The following SNAP91 variants were observed in gnomAD, a reference collection of about 807,000 sequenced individuals.
The protein encoded by SNAP91 is synaptosome associated protein 91, also known as clathrin coat assembly protein AP180.
Under a neutral mutation model 100.3 loss-of-function variants are expected in SNAP91, and 27 were observed. The ratio of observed to expected loss-of-function variants is 0.27; its 90% CI spans 0.20 to 0.37. SNAP91 has a LOEUF of 0.37. Ranked by LOEUF, SNAP91 falls within the 10% of genes least tolerant of loss-of-function variation. The pLI is 1.00. For missense variants in SNAP91, 986 were observed against 1,123.7 expected, an observed-to-expected ratio of 0.88 and a Z score of 1.75; for synonymous variants, 404 against 398.6, an observed-to-expected ratio of 1.01 and a Z score of -0.16.
At chr6:83,628,223 A>ATATATATATATATATATATATT (rs2097043582) in intron 8 of SNAP91, among the ~76,000 whole-genome samples, 1 of 14,840 alleles carries the variant, frequency 6.7e-5, no homozygotes, top group Non-Finnish European at 1.5e-4. Flanking sequence ...TCCATTTTAC[A>ATATATATATATATATATATATT]TATATATATA....
chr6:83,682,587 T>TTTA (rs1195631251), intron 2 of SNAP91, among the ~76,000 whole-genome samples: 2 of 151,818 alleles, frequency 1.3e-5, no homozygotes, highest in Non-Finnish European at 2.9e-5. Context: ...ATTTTTTTAT[T>TTTA]TTATTATTAT....
intron 2 of SNAP91, among the ~76,000 whole-genome samples, chr6:83,695,276 C>CAA (rs56103542): frequency 0.017 from 1,143 of 67,086 alleles, 15 homozygotes; most frequent in African/African-American, 0.041. Flanking sequence ...GGCTCCATCT[C>CAA]AAAAAAAAAA....
chr6:83,588,191 C>G (rs923528208), intron 22 of SNAP91, among the ~76,000 whole-genome samples: 18 of 152,066 alleles, frequency 1.2e-4, no homozygotes, highest in African/African-American at 4.3e-4. Flanking sequence ...CAGGCACTGA[C>G]ATATGTATAC....
intron 2 of SNAP91, among the ~76,000 whole-genome samples, chr6:83,706,450 G>T (rs2099384950): frequency 6.6e-6 from 1 of 152,188 alleles, no homozygotes; most frequent in Non-Finnish European, 1.5e-5. Flanking sequence ...ATATAATGCT[G>T]TAATCAATAA....
intron 26 of SNAP91, among the ~76,000 whole-genome samples, chr6:83,567,660 A>G (rs1156264857): frequency 6.6e-6 from 1 of 152,216 alleles, no homozygotes; most frequent in African/African-American, 2.4e-5. Context: ...ACAAGAAAAA[A>G]ACAAACAACC....
At chr6:83,637,678 G>A (rs558030903) in intron 8 of SNAP91, among the ~76,000 whole-genome samples, 4 of 152,314 alleles carry the variant, frequency 2.6e-5, no homozygotes, top group African/African-American at 9.6e-5. Flanking sequence ...CTTTCAGGCG[G>A]CACCCTTCTC....
At chr6:83,643,927 G>T (rs901636101) in intron 7 of SNAP91, among the ~76,000 whole-genome samples, 1 of 152,142 alleles carries the variant, frequency 6.6e-6, no homozygotes, top group Non-Finnish European at 1.5e-5. Flanking sequence ...ACTCTGTCCT[G>T]TTTTCTAATG....
At chr6:83,659,117 T>C in intron 5 of SNAP91, 25 bp from the exon 6 acceptor site, 2 of 1,345,522 alleles carry the variant, frequency 1.5e-6, no homozygotes, top group Non-Finnish European at 2.1e-6. Context: ...AAAAAAAAGG[T>C]ACAATTTCAT....
chr6:83,700,353 T>C (rs948723649), intron 2 of SNAP91, among the ~76,000 whole-genome samples: 1 of 152,084 alleles, frequency 6.6e-6, no homozygotes, highest in South Asian at 2.1e-4. Flanking sequence ...GCCAAATCAC[T>C]GGCAATACAT....
rs201872118 is a variant in SNAP91, at chr6:83,661,647, C to A, written c.350-43G>T. The A allele has an allele frequency of 1.2e-4, 134 of 1,146,610 alleles. 1 individual carries two copies. In the East Asian group the frequency reaches 2.8e-3, roughly 24 times the overall value. The allele number at this position is 1,146,610 out of a possible 1,614,324, so 71.0% of individuals were successfully genotyped here. ...AGAAATAAAACTAATTAATAAAATA[C>A]CTTCAACTGTGCTTTGCATAGTACT... On this transcript the variant is annotated intron_variant, in intron 4 of 29. Coordinates refer to ENST00000369694, the MANE Select transcript of SNAP91 (RefSeq NM_001242792.2).
At chr6:83,665,727 C>A in intron 2 of SNAP91, 146 bp from the exon 3 acceptor site, 1 of 635,362 alleles carries the variant, frequency 1.6e-6, no homozygotes, top group Non-Finnish European at 2.6e-6. Flanking sequence ...AAAAATTAAA[C>A]TGTAATATTT....
At chr6:83,584,558 G>A (rs995959725) in intron 22 of SNAP91, among the ~76,000 whole-genome samples, 1 of 152,024 alleles carries the variant, frequency 6.6e-6, no homozygotes, top group African/African-American at 2.4e-5. Flanking sequence ...AGCCAACATT[G>A]GCCCAGGGCT....
chr6:83,622,427 A>G (rs1047656710), intron 9 of SNAP91, among the ~76,000 whole-genome samples: 2 of 136,868 alleles, frequency 1.5e-5, no homozygotes, highest in Non-Finnish European at 3.1e-5. Context: ...TATTATTAAC[A>G]AGTAGGTATC....
chr6:83,648,264 T>C (rs931039865), intron 7 of SNAP91, among the ~76,000 whole-genome samples: 4 of 152,216 alleles, frequency 2.6e-5, no homozygotes, highest in Non-Finnish European at 5.9e-5. Context: ...GAAATTCATT[T>C]ATGTTATTAC....
At chr6:83,661,753 G>C (rs942101657) in intron 4 of SNAP91, 149 bp from the exon 5 acceptor site, 1 of 430,344 alleles carries the variant, frequency 2.3e-6, no homozygotes, top group African/African-American at 2.0e-5. Context: ...TTAAAATCCT[G>C]CTTCTAGGCA....
At chr6:83,588,832 A>G (rs530820165) in intron 22 of SNAP91, among the ~76,000 whole-genome samples, 29 of 152,274 alleles carry the variant, frequency 1.9e-4, no homozygotes, top group Non-Finnish European at 3.4e-4. Context: ...AGAGGCCACA[A>G]TGGAGGAGGA....
rs375521400 is a variant in SNAP91, at chr6:83,607,685, A to G, written c.1022+14T>C. 3.4e-6 allele frequency: 5 copies of G among 1,492,162 alleles called. No individual in the cohort carries two copies. The highest frequency in any genetic ancestry group is 4.6e-6 in the Non-Finnish European group (5 of 1,093,302). 92.4% of individuals were successfully genotyped at this position (1,492,162 alleles called of 1,614,324 possible). Reference sequence around the variant, plus strand: ...AATATTAATAAACAGTTAACTGCATATTTATTTACCAACCTGACTGGGACA... The same window carrying G: ...AATATTAATAAACAGTTAACTGCATGTTTATTTACCAACCTGACTGGGACA... On this transcript the variant is annotated intron_variant, in intron 13 of 29. Coordinates refer to ENST00000369694, the MANE Select transcript of SNAP91 (RefSeq NM_001242792.2).
chr6:83,593,648 G>A lies in SNAP91; in HGVS notation c.1526C>T (p.Thr509Ile). The part of the protein sequence containing the change: ...KPPETSVPVV[T>I]PTASTAPPVP... ...TGGAGGGGCTGTGCTAGCTGTAGGG[G>A]TAACTACAGGAACACTGGTCTCAGG... Residue 509 changes from threonine to isoleucine, a missense_variant, in exon 18 of 30, where the codon ACC becomes ATC. Around this residue, in one of 4 missense-constraint regions of SNAP91, gnomAD observed 575 missense variants for 579.9 expected, o/e 0.99. Coordinates refer to ENST00000369694, the MANE Select transcript of SNAP91 (RefSeq NM_001242792.2). 2.5e-6 allele frequency: 4 copies of A among 1,613,590 alleles called. No homozygotes were observed. The highest frequency in any genetic ancestry group is 3.4e-6 in the Non-Finnish European group (4 of 1,179,734).
chr6:83,592,579 A>G, intron 20 of SNAP91, 41 bp from the exon 21 acceptor site: 10 of 1,512,380 alleles, frequency 6.6e-6, no homozygotes, highest in Non-Finnish European at 9.1e-6. Flanking sequence ...ATGTCACCCA[A>G]GGGAAAAGAA....
Sources: allele counts gnomAD v4.1 joint callset (sites outside exome capture counted in the v4.1 genomes callset), GRCh38; gene constraint gnomAD v4.1.1; regional missense constraint gnomAD v4.1.1; transcripts MANE v1.5; gene names NCBI Gene and HGNC (gene_info 2026-07-23, HGNC 2026-07-21).